Variants in SLC8A3 observed in about 807,000 individuals in gnomAD.
The protein encoded by SLC8A3 is solute carrier family 8 member A3.
A neutral mutation model predicts 65.4 loss-of-function variants in SLC8A3; 37 were observed. The ratio of observed to expected loss-of-function variants is 0.57; its 90% CI spans 0.44 to 0.74. The LOEUF is 0.74. Ranked by LOEUF, SLC8A3 falls within the 30% of genes least tolerant of loss-of-function variation. The pLI is 0.00. For missense variants in SLC8A3, 1,112 were observed against 1,172.1 expected (o/e 0.95, Z 0.75); for synonymous variants, 461 against 444.5 (o/e 1.04, Z -0.47).
chr14:70,088,093 T>G (rs749409207), intron 2 of SLC8A3, among the ~76,000 whole-genome samples: 20 of 152,042 alleles, frequency 1.3e-4, no homozygotes, highest in Non-Finnish European at 2.6e-4. Context: ...AAGATTCAGG[T>G]AAGTGAGGGG....
chr14:70,075,700 C>T (rs1317463560), intron 2 of SLC8A3, among the ~76,000 whole-genome samples: 1 of 152,140 alleles, frequency 6.6e-6, no homozygotes, highest in African/African-American at 2.4e-5. Flanking sequence ...CTGTTATGGT[C>T]CATTCTCTCC....
chr14:70,052,926 T>C (rs1247204788), intron 3 of SLC8A3, among the ~76,000 whole-genome samples: 1 of 152,206 alleles, frequency 6.6e-6, no homozygotes, highest in Non-Finnish European at 1.5e-5. Flanking sequence ...AGGTCTTTTG[T>C]CTCTAGCTGG....
intron 2 of SLC8A3, among the ~76,000 whole-genome samples, chr14:70,116,967 G>A (rs916778947): frequency 1.3e-5 from 2 of 152,198 alleles, no homozygotes; most frequent in African/African-American, 4.8e-5. Context: ...ATCTGGTTTG[G>A]TGGCTTTTCC....
chr14:70,125,383 A>G (rs1894373251), intron 2 of SLC8A3, among the ~76,000 whole-genome samples: 1 of 150,514 alleles, frequency 6.6e-6, no homozygotes, highest in Non-Finnish European at 1.5e-5. Flanking sequence ...GTGCCCATGC[A>G]TATGCATTAT....
At chr14:70,123,073 CAAA>C (rs35933485) in intron 2 of SLC8A3, among the ~76,000 whole-genome samples, 32 of 89,438 alleles carry the variant, frequency 3.6e-4, no homozygotes, top group Non-Finnish European at 2.9e-4. Context: ...ACTCCATCTC[CAAA>C]AAAAAAAAAA....
intron 3 of SLC8A3, among the ~76,000 whole-genome samples, chr14:70,059,718 G>A (rs372080263): frequency 1.3e-5 from 2 of 152,242 alleles, no homozygotes; most frequent in East Asian, 1.9e-4. Context: ...GGATCTGGGC[G>A]GTACTTTCTC....
chr14:70,071,278 T>C (rs1488795476), intron 2 of SLC8A3, among the ~76,000 whole-genome samples: 1 of 152,234 alleles, frequency 6.6e-6, no homozygotes, highest in Admixed American at 6.5e-5. Context: ...AATGTGCTGT[T>C]ATCACTCCTG....
intron 2 of SLC8A3, among the ~76,000 whole-genome samples, chr14:70,142,880 G>T (rs1365232474): frequency 6.6e-6 from 1 of 152,184 alleles, no homozygotes. Context: ...CCGTTTTAGA[G>T]TTTTTCCTCA....
At chr14:70,187,923 G>T (rs752430531) in intron 1 of SLC8A3, among the ~76,000 whole-genome samples, 1 of 152,074 alleles carries the variant, frequency 6.6e-6, no homozygotes, top group Non-Finnish European at 1.5e-5. Context: ...CCCCAAACCC[G>T]GCGGACACTC....
chr14:70,048,681 G>T, intron 6 of SLC8A3, 86 bp downstream of exon 6: 2 of 1,154,190 alleles, frequency 1.7e-6, no homozygotes, highest in East Asian at 2.5e-5. Flanking sequence ...GATCTGAGAT[G>T]GTGTGGAAGA....
At chr14:70,133,591 C>G (rs191054549) in intron 2 of SLC8A3, among the ~76,000 whole-genome samples, 1 of 152,276 alleles carries the variant, frequency 6.6e-6, no homozygotes, top group Non-Finnish European at 1.5e-5. Context: ...CCAGTGGGGT[C>G]ACACTGTGCC....
At chr14:70,113,174 G>GT (rs1566788033) in intron 2 of SLC8A3, among the ~76,000 whole-genome samples, 1 of 152,100 alleles carries the variant, frequency 6.6e-6, no homozygotes, top group Non-Finnish European at 1.5e-5. Context: ...TCATTAGGAA[G>GT]TTTCATCACT....
At position 70,168,106 on chromosome 14, in the gene SLC8A3, GTGA is replaced by G. The variant is rs1566827971; in HGVS notation, c.314_316del (p.Ile105del). 1 of 1,614,142 alleles carries G rather than the reference GTGA, an allele frequency of 6.2e-7. No homozygotes were observed. Among genetic ancestry groups the G allele is most frequent in the Admixed American group, 1.7e-5 (1 of 60,022 alleles). On this transcript the variant is annotated inframe_deletion, in exon 2 of 7. Transcript: ENST00000356921. ...AATTGTCACCTCCCTCTCTTGAGAG[GTGA>G]TGACTTCAATAGATGCCATGAAGCG...
intron 2 of SLC8A3, among the ~76,000 whole-genome samples, chr14:70,156,250 A>G (rs1212534518): frequency 6.6e-6 from 1 of 152,246 alleles, no homozygotes; most frequent in Non-Finnish European, 1.5e-5. Flanking sequence ...AGGGAATAGA[A>G]AAAGCTTCTG....
At chr14:70,049,536 C>T (rs141175130) in intron 5 of SLC8A3, among the ~76,000 whole-genome samples, 5,495 of 151,796 alleles carry the variant, frequency 0.036, 126 homozygotes, top group Admixed American at 0.051. Context: ...ATGTAGATGA[C>T]GGGTTGATGG....
At chr14:70,127,315 G>T (rs1199027519) in intron 2 of SLC8A3, among the ~76,000 whole-genome samples, 1 of 152,168 alleles carries the variant, frequency 6.6e-6, no homozygotes, top group East Asian at 1.9e-4. Context: ...AGTTGGTAAA[G>T]GTCAGATGTC....
Position 70,098,150 on chromosome 14 carries a change from C to T in SLC8A3, c.1785-37211G>A, listed in dbSNP as rs142028193. Among the ~76,000 whole-genome samples, 225 of 152,250 alleles carry T rather than the reference C, an allele frequency of 1.5e-3. 6 individuals are homozygous for T. In the East Asian group the frequency reaches 0.036, roughly 25 times the overall value. On this transcript the variant is annotated intron_variant, in intron 2 of 6. Coordinates refer to ENST00000356921, the MANE Select transcript of SLC8A3 (RefSeq NM_182932.3). ...GATCAGAGGTTCCCCTGACATGTGA[C>T]CAGGACAGGTATTATGGCAAGTGTC...
chr14:70,151,753 T>TA (rs1295062173), intron 2 of SLC8A3, among the ~76,000 whole-genome samples: 1 of 152,206 alleles, frequency 6.6e-6, no homozygotes, highest in African/African-American at 2.4e-5. Flanking sequence ...GACTGATTCC[T>TA]TCTAGAGGTC....
At chr14:70,093,787 G>A (rs900877125) in intron 2 of SLC8A3, among the ~76,000 whole-genome samples, 2 of 152,160 alleles carry the variant, frequency 1.3e-5, no homozygotes, top group African/African-American at 2.4e-5. Context: ...ACTGCTCAGA[G>A]AGCCTCTCTG....
Sources: allele counts gnomAD v4.1 joint callset (sites outside exome capture counted in the v4.1 genomes callset), GRCh38; gene constraint gnomAD v4.1.1; transcripts MANE v1.5; gene names NCBI Gene and HGNC (gene_info 2026-07-23, HGNC 2026-07-21).